UBE2V2: variants seen among roughly 807,000 people sequenced by gnomAD.
UBE2V2 encodes the protein ubiquitin conjugating enzyme E2 V2.
A neutral mutation model predicts 17.2 loss-of-function variants in UBE2V2; 9 were observed. That is an observed-to-expected ratio of 0.52 (90% CI 0.32 to 0.91). The LOEUF (loss-of-function observed/expected upper bound fraction) is 0.91. Among genes scored for constraint, UBE2V2 ranks in the 40% least tolerant of loss-of-function variants. The pLI is 0.04. For synonymous variants in UBE2V2, 61 were observed against 57.5 expected, an observed-to-expected ratio of 1.06 and a Z score of -0.28; for missense variants, 133 against 182.6, an observed-to-expected ratio of 0.73 and a Z score of 1.56.
At chr8:48,051,919 G>C (rs2091541554) in intron 3 of UBE2V2, among the ~76,000 whole-genome samples, 1 of 152,132 alleles carries the variant, frequency 6.6e-6, no homozygotes, top group Admixed American at 6.5e-5. Flanking sequence ...TGGGACCTGA[G>C]AGTCTCTCCA....
Position 48,034,128 on chromosome 8 carries a change from C to CTTTTTTTTTTTT in UBE2V2, c.17-8904_17-8893dup, listed in dbSNP as rs895844431. ...AATATTTGACCTCTGTTTTCTTTTC[C>CTTTTTTTTTTTT]TTTTTTTTTTTTGAGATGGAGTCTC... On this transcript the variant is annotated intron_variant, in intron 1 of 3. Transcript: ENST00000523111. Among the ~76,000 whole-genome samples the CTTTTTTTTTTTT allele has an allele frequency of 5.0e-3, 685 of 136,164 alleles. 33 individuals carry two copies. The highest frequency in any genetic ancestry group is 0.019 in the African/African-American group (629 of 33,384). The allele number at this position is 136,164 out of a possible 152,430, so 89.3% of individuals were successfully genotyped here. A position where few individuals can be genotyped will look rare whatever the true frequency, so the allele number is the denominator to read the frequency against.
intron 2 of UBE2V2, 71 bp downstream of exon 2, chr8:48,043,252 G>T (rs1033117731): frequency 7.8e-6 from 9 of 1,160,046 alleles, no homozygotes; most frequent in Admixed American, 5.8e-5. Context: ...TTATACTATT[G>T]ATATTAAAAT....
At chr8:48,004,561 C>T (rs1346375083), upstream of UBE2V2, among the ~76,000 whole-genome samples, 3 of 143,884 alleles carry the variant, frequency 2.1e-5, no homozygotes, top group South Asian at 2.2e-4. Context: ...GGCAGAGTCT[C>T]GCTCTTGTCA....
chr8:48,042,872 T>C, intron 1 of UBE2V2, 161 bp from the exon 2 acceptor site: 1 of 593,208 alleles, frequency 1.7e-6, no homozygotes, highest in Non-Finnish European at 2.6e-6. Flanking sequence ...TTTGAGGGGT[T>C]ATTAGATTCA....
intron 3 of UBE2V2, among the ~76,000 whole-genome samples, chr8:48,058,808 G>T (rs2091590902): frequency 6.6e-6 from 1 of 151,756 alleles, no homozygotes; most frequent in Non-Finnish European, 1.5e-5. Flanking sequence ...CCATTGAGAT[G>T]ATCATGGTTT....
In UBE2V2 at chr8:48,016,350, G is replaced by A. The variant is rs79648715; in HGVS notation, c.16+7880G>A. On this transcript the variant is annotated intron_variant, in intron 1 of 3. Transcript: ENST00000523111. ...CAGTAGCAGGATTACTGGATCATACGGTAGCTCTGTTTTTAGGTTTTTGAG... is the reference window on the plus strand; with the variant it reads ...CAGTAGCAGGATTACTGGATCATACAGTAGCTCTGTTTTTAGGTTTTTGAG... 1.4e-4 allele frequency among the ~76,000 whole-genome samples: 22 copies of A among 152,148 alleles called. No individual in the cohort carries two copies. The East Asian group carries it at 4.0e-3, about 28-fold the overall frequency.
At chr8:48,043,923 G>A (rs1409764570) in intron 2 of UBE2V2, among the ~76,000 whole-genome samples, 1 of 150,108 alleles carries the variant, frequency 6.7e-6, no homozygotes, top group Admixed American at 6.6e-5. Flanking sequence ...TTCTAGCTTG[G>A]GATTTTTTTT....
chr8:48,006,638 A>G (rs569060246), upstream of UBE2V2, among the ~76,000 whole-genome samples: 6 of 152,262 alleles, frequency 3.9e-5, no homozygotes, highest in East Asian at 1.2e-3. Flanking sequence ...GCTTCAACAT[A>G]TGCAAATCAA....
At chr8:48,015,247 G>A (rs1162125378) in intron 1 of UBE2V2, among the ~76,000 whole-genome samples, 1 of 151,842 alleles carries the variant, frequency 6.6e-6, no homozygotes, top group Non-Finnish European at 1.5e-5. Flanking sequence ...GTGTGGTGAT[G>A]TGCACCTGCA....
At chr8:48,053,403 A>G (rs1180882554) in intron 3 of UBE2V2, among the ~76,000 whole-genome samples, 1 of 148,650 alleles carries the variant, frequency 6.7e-6, no homozygotes, top group Non-Finnish European at 1.5e-5. Flanking sequence ...CATTTGTCTT[A>G]TTTGTAACAG....
intron 1 of UBE2V2, chr8:48,034,929 C>A: frequency 1.3e-6 from 1 of 760,110 alleles, no homozygotes; most frequent in Non-Finnish European, 1.6e-6. Flanking sequence ...CGCCTTGCTC[C>A]CCCTCCCTGC....
chr8:48,003,044 T>C, the UBE2V2 span, among the ~76,000 whole-genome samples: 1 of 152,046 alleles, frequency 6.6e-6, no homozygotes, highest in African/African-American at 2.4e-5. Flanking sequence ...ACCCCGTCTC[T>C]GCTAAAAATA....
intron 1 of UBE2V2, among the ~76,000 whole-genome samples, chr8:48,015,639 C>T (rs756534377): frequency 2.6e-5 from 4 of 152,098 alleles, no homozygotes; most frequent in Non-Finnish European, 4.4e-5. Context: ...TTCCCAATCC[C>T]CACCCCCGTA....
At chr8:48,037,626 C>G (rs1478590736) in intron 1 of UBE2V2, among the ~76,000 whole-genome samples, 1 of 152,176 alleles carries the variant, frequency 6.6e-6, no homozygotes, top group African/African-American at 2.4e-5. Context: ...TCTTGATGCC[C>G]TGCTGAACTT....
chr8:48,024,549 C>G (rs899220372), intron 1 of UBE2V2, among the ~76,000 whole-genome samples: 3 of 151,570 alleles, frequency 2.0e-5, no homozygotes, highest in African/African-American at 7.3e-5. Flanking sequence ...GAGCCGAGAT[C>G]GCGCCATTGC....
chr8:48,029,189 C>T (rs1317856403), intron 1 of UBE2V2, among the ~76,000 whole-genome samples: 7 of 151,964 alleles, frequency 4.6e-5, no homozygotes, highest in Non-Finnish European at 1.0e-4. Context: ...ATTAGCTGGG[C>T]ACAATGCTGT....
chr8:48,035,631 T>TGTGTGTGTG (rs1554657540), intron 1 of UBE2V2, among the ~76,000 whole-genome samples: 116 of 109,540 alleles, frequency 1.1e-3, no homozygotes, highest in African/African-American at 3.7e-3. Context: ...TTTTTTTTTT[T>TGTGTGTGTG]TGTGTGTGTG....
intron 1 of UBE2V2, among the ~76,000 whole-genome samples, chr8:48,015,785 C>A (rs1290518232): frequency 6.6e-6 from 1 of 152,068 alleles, no homozygotes; most frequent in Non-Finnish European, 1.5e-5. Context: ...ATAATGTTCT[C>A]CAGGTTCATC....
intron 1 of UBE2V2, among the ~76,000 whole-genome samples, chr8:48,028,090 G>T (rs190338068): frequency 3.9e-5 from 6 of 152,256 alleles, no homozygotes; most frequent in Admixed American, 3.9e-4. Context: ...CTGACCTCGT[G>T]ATCTGCCTGC....
Sources: allele counts gnomAD v4.1 joint callset (sites outside exome capture counted in the v4.1 genomes callset), GRCh38; gene constraint gnomAD v4.1.1; transcripts MANE v1.5; gene names NCBI Gene and HGNC (gene_info 2026-07-23, HGNC 2026-07-21).